Variants in RBM33 observed in about 807,000 individuals in gnomAD.
RBM33 encodes RNA-binding protein 33.
RBM33 carries 28 observed loss-of-function variants against 132.6 expected under a neutral mutation model. That is an observed-to-expected ratio of 0.21 (90% CI 0.16 to 0.29). RBM33 has a LOEUF of 0.29. RBM33 is among the 10% of genes least tolerant of loss of function. RBM33 has a pLI of 1.00. For missense variants in RBM33, 1,291 were observed against 1,518.5 expected, an observed-to-expected ratio of 0.85 and a Z score of 2.49; for synonymous variants, 634 against 593.0, an observed-to-expected ratio of 1.07 and a Z score of -1.01.
Position 155,739,816 on chromosome 7 carries a change from C to A in RBM33, c.1839C>A (p.His613Gln). The change falls in exon 12 of 18, where the codon CAC (histidine) becomes CAA (glutamine). Residue 613 changes from histidine (H) to glutamine (Q), a missense_variant. His to Gln is a conservative substitution (Grantham distance 24). Coordinates refer to ENST00000401878, the MANE Select transcript of RBM33 (RefSeq NM_053043.3). ...PQHQPPHQPP[H>Q]QPPPQHQPPP... is the part of the protein sequence containing the mutation. Reference sequence around the variant, plus strand: ...ACCAGCCTCCGCACCAGCCCCCGCACCAGCCCCCGCCCCAGCACCAGCCCC... The same window carrying A: ...ACCAGCCTCCGCACCAGCCCCCGCAACAGCCCCCGCCCCAGCACCAGCCCC... 4.0e-6 allele frequency: 5 copies of A among 1,240,222 alleles called. No individual in the cohort carries two copies. The highest frequency in any genetic ancestry group is 5.6e-6 in the Non-Finnish European group (5 of 887,216). 76.8% of individuals were successfully genotyped at this position (1,240,222 alleles called of 1,614,324 possible). A position where few individuals can be genotyped will look rare whatever the true frequency, so the allele number is the denominator to read the frequency against.
At chr7:155,710,712 C>T (rs1242402242) in intron 7 of RBM33, among the ~76,000 whole-genome samples, 1 of 152,100 alleles carries the variant, frequency 6.6e-6, no homozygotes, top group Non-Finnish European at 1.5e-5. Flanking sequence ...CCAGCCTCTC[C>T]TGGAGGCTCT....
intron 8 of RBM33, among the ~76,000 whole-genome samples, chr7:155,713,165 A>G (rs1800355781): frequency 6.6e-6 from 1 of 152,120 alleles, no homozygotes; most frequent in Non-Finnish European, 1.5e-5. Flanking sequence ...GGTTGCCATC[A>G]CCTGAGGTGG....
At chr7:155,751,822 C>T (rs968975015) in intron 14 of RBM33, among the ~76,000 whole-genome samples, 2 of 152,108 alleles carry the variant, frequency 1.3e-5, no homozygotes, top group African/African-American at 2.4e-5. Flanking sequence ...TACTTTGAGA[C>T]GATTGGGACT....
chr7:155,703,202 T>C (rs1470517615), intron 6 of RBM33, among the ~76,000 whole-genome samples: 1 of 152,252 alleles, frequency 6.6e-6, no homozygotes, highest in African/African-American at 2.4e-5. Flanking sequence ...TCCCTCATTT[T>C]TTTCTTTCCA....
chr7:155,654,781 T>C (rs1261668345), intron 1 of RBM33, among the ~76,000 whole-genome samples: 1 of 152,254 alleles, frequency 6.6e-6, no homozygotes, highest in Non-Finnish European at 1.5e-5. Flanking sequence ...TTTTTGCTGA[T>C]AAATTTACAT....
chr7:155,654,877 G>A (rs1395558114), intron 1 of RBM33, among the ~76,000 whole-genome samples: 2 of 152,024 alleles, frequency 1.3e-5, no homozygotes, highest in African/African-American at 4.8e-5. Context: ...ATGTTCACAT[G>A]TGTGCACAGA....
chr7:155,750,185 A>T (rs1801648920), intron 14 of RBM33, among the ~76,000 whole-genome samples: 1 of 152,384 alleles, frequency 6.6e-6, no homozygotes, highest in African/African-American at 2.4e-5. Context: ...TCTTTTAATT[A>T]CTTAGAATAT....
chr7:155,709,830 G>A (rs192107858), intron 7 of RBM33, among the ~76,000 whole-genome samples: 29 of 152,326 alleles, frequency 1.9e-4, no homozygotes, highest in African/African-American at 6.3e-4. Context: ...TAGTGGATGT[G>A]AGCTGGTACC....
At chr7:155,771,746 T>C (rs1802432726) in intron 16 of RBM33, among the ~76,000 whole-genome samples, 1 of 152,192 alleles carries the variant, frequency 6.6e-6, no homozygotes, top group Non-Finnish European at 1.5e-5. Context: ...TTTTTTATTT[T>C]TGGGAGACAG....
intron 15 of RBM33, among the ~76,000 whole-genome samples, chr7:155,764,790 C>A (rs2117070199): frequency 6.6e-6 from 1 of 152,348 alleles, no homozygotes; most frequent in South Asian, 2.1e-4. Context: ...AACGGCAAGT[C>A]TGCCCGCTCA....
intron 4 of RBM33, among the ~76,000 whole-genome samples, chr7:155,679,201 A>G (rs768215631): frequency 3.3e-5 from 5 of 152,064 alleles, no homozygotes; most frequent in Admixed American, 6.6e-5. Context: ...ACAAAAAATC[A>G]GTAGGTCTTT....
chr7:155,745,326 G>T lies in RBM33; in HGVS notation c.2703G>T (p.Gln901His). 6.2e-7 allele frequency: 1 copy of T among 1,613,216 alleles called. No individual in the cohort carries two copies. Among genetic ancestry groups the T allele is most frequent in the Non-Finnish European group, 8.5e-7 (1 of 1,179,502 alleles). The part of the protein sequence containing the change: ...SNFVPSSANM[Q>H]YQGQQMKALK... ...TTGTACCATCCAGTGCCAACATGCA[G>T]TATCAAGGACAACAGATGAAAGCAC... The change falls in exon 14 of 18, where the codon CAG becomes CAT. Residue 901 changes from glutamine (Q) to histidine (H), a missense_variant. Physicochemically the swap from Gln to His is conservative, Grantham distance 24. This residue lies in a region of RBM33 where 841 missense variants were observed against 912.0 expected (regional missense o/e 0.92). Coordinates refer to ENST00000401878, the MANE Select transcript of RBM33 (RefSeq NM_053043.3). The surrounding 1 kb of genome is among the most constrained non-coding windows in gnomAD (Gnocchi z 4.1).
intron 14 of RBM33, among the ~76,000 whole-genome samples, chr7:155,758,481 C>A (rs978165714): frequency 1.3e-5 from 2 of 152,182 alleles, no homozygotes; most frequent in Non-Finnish European, 2.9e-5. Flanking sequence ...CAGTAGGATT[C>A]ATGCTCCCGT....
intron 5 of RBM33, among the ~76,000 whole-genome samples, chr7:155,687,516 A>G (rs1005161386): frequency 5.9e-5 from 9 of 152,092 alleles, no homozygotes; most frequent in East Asian, 1.9e-4. Context: ...TTTTGTTGCC[A>G]TTGCTTTTGG....
chr7:155,706,749 G>A, intron 6 of RBM33, 111 bp from the exon 7 acceptor site: 5 of 870,424 alleles, frequency 5.7e-6, no homozygotes, highest in South Asian at 5.0e-5. Context: ...TGCGGGTGAA[G>A]CACATGCTGT....
Position 155,744,953 on chromosome 7 carries a change from C to A in RBM33, c.2338-8C>A, listed in dbSNP as rs771257317. On this transcript the variant is annotated splice_polypyrimidine_tract_variant and splice_region_variant and intron_variant, in intron 13 of 17. Coordinates refer to ENST00000401878, the MANE Select transcript of RBM33 (RefSeq NM_053043.3). ...AGCAAAGTAAACCGTGTATGTTTTCCATTTTAGTTTCCTGATGAAGATGAG... is the reference window on the plus strand; with the variant it reads ...AGCAAAGTAAACCGTGTATGTTTTCAATTTTAGTTTCCTGATGAAGATGAG... 2 of 1,544,940 alleles carry A rather than the reference C, an allele frequency of 1.3e-6. No individual in the cohort carries two copies. The highest frequency in any genetic ancestry group is 1.7e-6 in the Non-Finnish European group (2 of 1,151,098).
chr7:155,775,141 C>A lies in RBM33; in HGVS notation c.*100C>A. The stretch of plus-strand genomic sequence containing the variant: ...AGAACCCCCAGGAGCACAGGTCTCT[C>A]CGGGCCGCTGTCCTGCGTAACTGTT... On this transcript the variant is annotated 3_prime_UTR_variant, in exon 18 of 18. Transcript: ENST00000401878. 9.6e-7 allele frequency: 1 copy of A among 1,046,328 alleles called. No individual in the cohort carries two copies. Among genetic ancestry groups the A allele is most frequent in the South Asian group, 1.3e-5 (1 of 78,502 alleles). 64.8% of individuals were successfully genotyped at this position (1,046,328 alleles called of 1,614,324 possible).
At chr7:155,719,021 G>C (rs1236628005) in intron 9 of RBM33, among the ~76,000 whole-genome samples, 1 of 152,052 alleles carries the variant, frequency 6.6e-6, no homozygotes, top group Non-Finnish European at 1.5e-5. Flanking sequence ...ACACTTTGCT[G>C]TATCTTCAGT....
At chr7:155,700,253 AATG>A (rs1185320909) in intron 5 of RBM33, among the ~76,000 whole-genome samples, 5 of 152,240 alleles carry the variant, frequency 3.3e-5, no homozygotes, top group African/African-American at 1.2e-4. Context: ...AGGAGTGAGA[AATG>A]ATGAAAGGAT....
Sources: gnomAD v4.1 joint callset for allele counts (sites outside exome capture counted in the v4.1 genomes callset) on GRCh38, gnomAD v4.1.1 for gene constraint, gnomAD v4.1.1 regional missense constraint, Gnocchi (gnomAD v3.1) non-coding constraint, MANE v1.5 for transcripts, NCBI Gene and HGNC (gene_info 2026-07-23, HGNC 2026-07-21) for gene names.